The following BDP1 variants were observed in gnomAD, a reference collection of about 807,000 sequenced individuals.
BDP1 encodes transcription factor TFIIIB component B'' homolog.
Under a neutral mutation model 266.6 loss-of-function variants are expected in BDP1, and 169 were observed. The ratio of observed to expected loss-of-function variants is 0.63; its 90% confidence interval spans 0.56 to 0.72. The LOEUF (loss-of-function observed/expected upper bound fraction) is 0.72, where lower values mean the gene tolerates loss of function less well. BDP1 is among the 30% of genes least tolerant of loss of function. The probability of loss-of-function intolerance (pLI) is 0.00; values close to 1 mark genes in which losing one functional copy is unlikely to be tolerated. For missense variants in BDP1, 3,015 were observed against 3,053.8 expected (o/e 0.99, Z 0.30); for synonymous variants, 1,090 against 1,022.4 (o/e 1.07, Z -1.26).
At chr5:71,519,369 A>T (rs1172973007) in intron 22 of BDP1, among the ~76,000 whole-genome samples, 5 of 152,186 alleles carry the variant, frequency 3.3e-5, no homozygotes, top group Non-Finnish European at 7.3e-5. Context: ...ATTGTTAACT[A>T]TAATTTTTCC....
intron 14 of BDP1, among the ~76,000 whole-genome samples, chr5:71,502,189 CTTTT>C (rs70992970): frequency 7.4e-6 from 1 of 135,520 alleles, no homozygotes; most frequent in African/African-American, 2.7e-5. Context: ...TTTTCTCTCT[CTTTT>C]TTTTTTTTTT....
At chr5:71,477,439 G>C (rs771392847) in intron 7 of BDP1, among the ~76,000 whole-genome samples, 4 of 152,074 alleles carry the variant, frequency 2.6e-5, no homozygotes, top group Non-Finnish European at 5.9e-5. Context: ...ATGAGACACT[G>C]CACTTAGCCC....
At chr5:71,531,249 C>T (rs1766228652) in intron 25 of BDP1, among the ~76,000 whole-genome samples, 1 of 151,886 alleles carries the variant, frequency 6.6e-6, no homozygotes. Flanking sequence ...TGAGACCCTG[C>T]CTCAGAATAA....
At chr5:71,487,734 G>T (rs1043131538) in intron 9 of BDP1, among the ~76,000 whole-genome samples, 19 of 152,208 alleles carry the variant, frequency 1.2e-4, no homozygotes, top group Admixed American at 3.3e-4. Flanking sequence ...AGCATCCTCT[G>T]CCTGGAACAT....
intron 7 of BDP1, 49 bp downstream of exon 7, chr5:71,470,538 C>A: frequency 5.2e-6 from 6 of 1,161,490 alleles, no homozygotes; most frequent in Non-Finnish European, 6.4e-6. Flanking sequence ...CCAAACATTA[C>A]AAATGTTAGT....
At position 71,534,977 on chromosome 5, in the gene BDP1, G is replaced by C. The variant is rs542551876; in HGVS notation, c.5892+2550G>C. Among the ~76,000 whole-genome samples the C allele has an allele frequency of 2.6e-5, 4 of 152,050 alleles. No homozygotes were observed. The East Asian group carries it at 5.8e-4, about 22-fold the overall frequency. On this transcript the variant is annotated intron_variant, in intron 26 of 38. Coordinates refer to ENST00000358731, the MANE Select transcript of BDP1 (RefSeq NM_018429.3). ...TCTTAATTTCATTTTTGGATTGTTC[G>C]TTGCAAGTGTGTAGAAATAAAAATG... is the stretch of plus-strand genomic sequence containing the variant.
At chr5:71,500,515 C>T (rs1402994955) in intron 13 of BDP1, among the ~76,000 whole-genome samples, 1 of 151,324 alleles carries the variant, frequency 6.6e-6, no homozygotes, top group East Asian at 2.0e-4. Flanking sequence ...TTAATAGAAA[C>T]GGGGTTTCAC....
At chr5:71,489,269 G>C in intron 9 of BDP1, 135 bp from the exon 10 acceptor site, 1 of 564,626 alleles carries the variant, frequency 1.8e-6, no homozygotes, top group Non-Finnish European at 3.1e-6. Flanking sequence ...TTTCCCATTA[G>C]ACATTTTAGG....
At chr5:71,556,384 T>C (rs1743215777) in intron 35 of BDP1, among the ~76,000 whole-genome samples, 1 of 152,234 alleles carries the variant, frequency 6.6e-6, no homozygotes, top group Non-Finnish European at 1.5e-5. Flanking sequence ...ACTTCCAGTG[T>C]TTATTATGTG....
chr5:71,572,150 T>C (rs1744285428), downstream of BDP1, among the ~76,000 whole-genome samples: 1 of 152,202 alleles, frequency 6.6e-6, no homozygotes, highest in South Asian at 2.1e-4. Context: ...AGCTGACCTC[T>C]TCTTCCACAC....
At chr5:71,504,849 T>C in intron 16 of BDP1, 98 bp downstream of exon 16, 1 of 1,088,472 alleles carries the variant, frequency 9.2e-7, no homozygotes, top group Non-Finnish European at 1.4e-6. Context: ...ATGGATTTGT[T>C]GTCTGCGTGT....
Position 71,467,619 on chromosome 5 carries a change from C to T in BDP1, c.919+132C>T, listed in dbSNP as rs910830468. The T allele has an allele frequency of 4.0e-5, 30 of 746,430 alleles. No homozygotes were observed. In the African/African-American group the frequency reaches 4.4e-4, roughly 11 times the overall value. 46.2% of individuals were successfully genotyped at this position (746,430 alleles called of 1,614,324 possible). On this transcript the variant is annotated intron_variant, in intron 6 of 38. Coordinates refer to ENST00000358731, the MANE Select transcript of BDP1 (RefSeq NM_018429.3). ...TTTATTCCAGCTAATTTTATTGACA[C>T]CTCTATCTTATGCCCTCCATGGAAT...
rs747925627 is a variant in BDP1, at chr5:71,455,877, C to T, written c.-1C>T. The stretch of plus-strand genomic sequence containing the variant: ...GCCTCCCCGGGCCCCCTGCCTCCGC[C>T]ATGTTCCGCAGGGCACGCCTTAGCG... On this transcript the variant is annotated 5_prime_UTR_variant, in exon 1 of 39. Coordinates refer to ENST00000358731, the MANE Select transcript of BDP1 (RefSeq NM_018429.3). The T allele has an allele frequency of 1.3e-5, 20 of 1,577,504 alleles. No individual in the cohort carries two copies. The South Asian group carries it at 1.9e-4, about 15-fold the overall frequency.
intron 13 of BDP1, among the ~76,000 whole-genome samples, chr5:71,498,420 T>G (rs954259794): frequency 1.3e-5 from 2 of 151,616 alleles, no homozygotes; most frequent in African/African-American, 4.8e-5. Context: ...TTCTTTTTCT[T>G]TCTTTATTTC....
chr5:71,570,247 G>A (rs929526117), downstream of BDP1, among the ~76,000 whole-genome samples: 9 of 152,128 alleles, frequency 5.9e-5, no homozygotes, highest in East Asian at 1.9e-4. Context: ...CTTAATAACC[G>A]TGAAATAGCT....
chr5:71,553,198 G>C lies in BDP1; in HGVS notation c.7078G>C (p.Asp2360His). Reference protein sequence around the residue: ...SGRDNSKKPPDNLDLVSRKRF... With the variant: ...SGRDNSKKPPHNLDLVSRKRF... The stretch of plus-strand genomic sequence containing the variant: ...AAGAGATAATTCTAAAAAGCCGCCT[G>C]ATAATTTGGATCTTGTATCTAGGAA... The change falls in exon 35 of 39, where the codon GAT becomes CAT. Residue 2360 changes from aspartate (D) to histidine (H), a missense_variant. This residue lies in a region of BDP1 where 629 missense variants were observed against 632.5 expected (regional missense o/e 0.99). Coordinates refer to ENST00000358731, the MANE Select transcript of BDP1 (RefSeq NM_018429.3). The C allele has an allele frequency of 6.2e-7, 1 of 1,613,304 alleles. No individual in the cohort carries two copies. Among genetic ancestry groups the C allele is most frequent in the Non-Finnish European group, 8.5e-7 (1 of 1,179,868 alleles).
At chr5:71,576,989 A>G in the BDP1 span, among the ~76,000 whole-genome samples, 1 of 152,208 alleles carries the variant, frequency 6.6e-6, no homozygotes, top group South Asian at 2.1e-4. Context: ...CACTCAATTT[A>G]CAGTTTGTGT....
chr5:71,515,952 A>G (rs2150489605), intron 20 of BDP1, 109 bp from the exon 21 acceptor site: 1 of 690,158 alleles, frequency 1.4e-6, no homozygotes, highest in African/African-American at 1.8e-5. Flanking sequence ...AATGGTACAA[A>G]GTATTTTTTA....
At chr5:71,543,769 A>G (rs979438843) in intron 30 of BDP1, among the ~76,000 whole-genome samples, 3 of 152,196 alleles carry the variant, frequency 2.0e-5, no homozygotes, top group Non-Finnish European at 4.4e-5. Flanking sequence ...TTTTCTTACA[A>G]TGTTATGACT....
Sources: allele counts gnomAD v4.1 joint callset (sites outside exome capture counted in the v4.1 genomes callset), GRCh38; gene constraint gnomAD v4.1.1; regional missense constraint gnomAD v4.1.1; transcripts MANE v1.5; gene names NCBI Gene and HGNC (gene_info 2026-07-23, HGNC 2026-07-21).